The following CNTNAP2 variants were observed in gnomAD, a reference collection of about 807,000 sequenced individuals.
CNTNAP2 encodes contactin associated protein 2.
In CNTNAP2, 98 loss-of-function variants were observed where a neutral mutation model predicts 155.2. The observed-to-expected ratio is 0.63, with a 90% CI of 0.54 to 0.75. CNTNAP2 has a LOEUF of 0.75. Ranked by LOEUF, CNTNAP2 falls within the 30% of genes least tolerant of loss-of-function variation. CNTNAP2 has a pLI of 0.00. For missense variants in CNTNAP2, 1,727 were observed against 1,688.1 expected (o/e 1.02, Z -0.40); for synonymous variants, 651 against 631.2 (o/e 1.03, Z -0.47).
At chr7:147,324,466 T>A (rs962955653) in intron 9 of CNTNAP2, among the ~76,000 whole-genome samples, 2 of 152,216 alleles carry the variant, frequency 1.3e-5, no homozygotes, top group African/African-American at 2.4e-5. Flanking sequence ...TTCAGCCTTA[T>A]GTTTTCATCT....
chr7:147,244,711 G>T (rs1345513963), intron 8 of CNTNAP2, among the ~76,000 whole-genome samples: 1 of 152,182 alleles, frequency 6.6e-6, no homozygotes, highest in East Asian at 1.9e-4. Flanking sequence ...ACTTCTGTGA[G>T]CTAAGACCTG....
At chr7:146,915,317 A>G (rs376602867) in intron 3 of CNTNAP2, among the ~76,000 whole-genome samples, 60 of 152,166 alleles carry the variant, frequency 3.9e-4, no homozygotes, top group Middle Eastern at 3.4e-3. Flanking sequence ...TGCCATATAA[A>G]TTTTAGAACT....
At chr7:147,191,356 A>T (rs1321276331) in intron 8 of CNTNAP2, among the ~76,000 whole-genome samples, 1 of 152,246 alleles carries the variant, frequency 6.6e-6, no homozygotes, top group Non-Finnish European at 1.5e-5. Context: ...TATCATTTTT[A>T]TGAGAAGACA....
intron 17 of CNTNAP2, among the ~76,000 whole-genome samples, chr7:148,152,398 G>A (rs1323386717): frequency 6.6e-6 from 1 of 152,010 alleles, no homozygotes; most frequent in Non-Finnish European, 1.5e-5. Flanking sequence ...CACAGAACTG[G>A]TTGAGTTCTG....
chr7:146,962,590 T>G (rs10081335), intron 3 of CNTNAP2, among the ~76,000 whole-genome samples: 46,540 of 152,044 alleles, frequency 0.31, 7,679 homozygotes, highest in Non-Finnish European at 0.36. Context: ...TCGCTCTGTT[T>G]CCGAGGCTGG....
At position 146,552,828 on chromosome 7, in the gene CNTNAP2, C is replaced by T. The variant is rs569496310; in HGVS notation, c.98-221443C>T. Among the ~76,000 whole-genome samples, 57 of 152,170 alleles carry T rather than the reference C, an allele frequency of 3.7e-4. 1 individual carries two copies. The highest frequency in any genetic ancestry group is 1.3e-3 in the African/African-American group (56 of 41,522). On this transcript the variant is annotated intron_variant, in intron 1 of 23. Coordinates refer to ENST00000361727, the MANE Select transcript of CNTNAP2 (RefSeq NM_014141.6). ...CCCGACATTGTACATACATGCAATG[C>T]ACTCAGCCTGAAAAGTCTTTCCTCA...
At chr7:147,892,322 A>G (rs530857449) in intron 13 of CNTNAP2, among the ~76,000 whole-genome samples, 1 of 152,348 alleles carries the variant, frequency 6.6e-6, no homozygotes, top group East Asian at 1.9e-4. Flanking sequence ...TTTATAATAG[A>G]TAGAGGTTGG....
chr7:146,234,021 G>C (rs1799429923), intron 1 of CNTNAP2, among the ~76,000 whole-genome samples: 1 of 150,120 alleles, frequency 6.7e-6, no homozygotes. Flanking sequence ...TCTAGTTCTA[G>C]ATCCCTGAGG....
At chr7:146,393,422 G>A (rs1030731021) in intron 1 of CNTNAP2, among the ~76,000 whole-genome samples, 2 of 152,140 alleles carry the variant, frequency 1.3e-5, no homozygotes, top group Non-Finnish European at 2.9e-5. Context: ...TAGAGACCTT[G>A]ATAATGCAAC....
chr7:146,691,074 A>T (rs1279957229), intron 1 of CNTNAP2, among the ~76,000 whole-genome samples: 1 of 152,152 alleles, frequency 6.6e-6, no homozygotes, highest in Non-Finnish European at 1.5e-5. Context: ...ATGTTATATG[A>T]TGCATATCCA....
chr7:147,149,713 A>G (rs941581999), intron 8 of CNTNAP2, among the ~76,000 whole-genome samples: 1 of 152,108 alleles, frequency 6.6e-6, no homozygotes, highest in East Asian at 1.9e-4. Flanking sequence ...AGGTACATGG[A>G]TGGATGGATA....
intron 8 of CNTNAP2, among the ~76,000 whole-genome samples, chr7:147,269,632 C>T (rs1433695238): frequency 6.6e-6 from 1 of 152,136 alleles, no homozygotes; most frequent in African/African-American, 2.4e-5. Context: ...CTGGAGGAGA[C>T]AGAAGGGCCA....
intron 17 of CNTNAP2, among the ~76,000 whole-genome samples, chr7:148,163,769 G>A (rs950944253): frequency 2.5e-4 from 38 of 152,168 alleles, no homozygotes; most frequent in African/African-American, 8.4e-4. Context: ...AGAAACTACT[G>A]ATCAATACTT....
chr7:146,289,089 C>G (rs1361003584), intron 1 of CNTNAP2, among the ~76,000 whole-genome samples: 2 of 152,190 alleles, frequency 1.3e-5, no homozygotes, highest in Admixed American at 6.5e-5. Context: ...CAGGCATGAG[C>G]CACCGCGCCC....
At chr7:147,285,370 T>C (rs1325172116) in intron 8 of CNTNAP2, among the ~76,000 whole-genome samples, 1 of 151,902 alleles carries the variant, frequency 6.6e-6, no homozygotes, top group Admixed American at 6.6e-5. Flanking sequence ...CCACTAAAAT[T>C]CAAGTTCTTT....
intron 1 of CNTNAP2, among the ~76,000 whole-genome samples, chr7:146,756,078 T>C (rs950929351): frequency 2.0e-5 from 3 of 151,872 alleles, no homozygotes; most frequent in Non-Finnish European, 4.4e-5. Flanking sequence ...TCTATGAAAA[T>C]AGAAACAAAA....
At chr7:146,204,595 C>G (rs2116873750) in intron 1 of CNTNAP2, among the ~76,000 whole-genome samples, 1 of 152,166 alleles carries the variant, frequency 6.6e-6, no homozygotes, top group African/African-American at 2.4e-5. Flanking sequence ...TGGAGTCTCT[C>G]TCATGCCAGT....
At chr7:146,598,129 G>A (rs1472111458) in intron 1 of CNTNAP2, among the ~76,000 whole-genome samples, 1 of 152,058 alleles carries the variant, frequency 6.6e-6, no homozygotes, top group Admixed American at 6.6e-5. Context: ...ATGCAACTTT[G>A]ATGACTTGTC....
chr7:148,127,530 A>G lies in CNTNAP2; in HGVS notation c.2554+9242A>G, dbSNP rs552057212. Among the ~76,000 whole-genome samples, 113 of 152,344 alleles carry G rather than the reference A, an allele frequency of 7.4e-4. No homozygotes were observed. The Middle Eastern group carries it at 0.014, about 18-fold the overall frequency. ...CACAAAAATGTGCAGGCAGCGGCCT[A>G]ATGTCCTACTAATCTTAGGAAATAA... On this transcript the variant is annotated intron_variant, in intron 16 of 23. Coordinates refer to ENST00000361727, the MANE Select transcript of CNTNAP2 (RefSeq NM_014141.6).
Sources: gnomAD v4.1 joint callset for allele counts (sites outside exome capture counted in the v4.1 genomes callset) on GRCh38, gnomAD v4.1.1 for gene constraint, MANE v1.5 for transcripts, NCBI Gene and HGNC (gene_info 2026-07-23, HGNC 2026-07-21) for gene names.